Variants in CNTN5 observed in about 807,000 individuals in gnomAD.
The protein encoded by CNTN5 is contactin-5.
Under a neutral mutation model 129.1 loss-of-function variants are expected in CNTN5, and 77 were observed. The ratio of observed to expected loss-of-function variants is 0.60; its 90% CI spans 0.50 to 0.72. CNTN5 has a LOEUF of 0.72. Among genes scored for constraint, CNTN5 ranks in the 30% least tolerant of loss-of-function variants. The pLI is 0.00. For synonymous variants in CNTN5, 509 were observed against 465.6 expected (o/e 1.09, Z -1.20); for missense variants, 1,478 against 1,328.8 (o/e 1.11, Z -1.75).
At chr11:99,591,869 T>A (rs1366542378) in intron 3 of CNTN5, among the ~76,000 whole-genome samples, 1 of 152,164 alleles carries the variant, frequency 6.6e-6, no homozygotes, top group African/African-American at 2.4e-5. Flanking sequence ...GAAATACCAG[T>A]ATTTTGACAC....
intron 1 of CNTN5, among the ~76,000 whole-genome samples, chr11:99,319,272 G>A (rs569634143): frequency 2.0e-5 from 3 of 152,230 alleles, no homozygotes; most frequent in South Asian, 2.1e-4. Flanking sequence ...CCTAGAAAAC[G>A]TCCTTAATGT....
Position 100,341,209 on chromosome 11 carries a change from A to G in CNTN5, c.3030+4A>G. ...ATCTGAAGTTGTGGGTTACAAGGTC[A>G]GTATTTCTTCACTCTTTTGCATAGA... On this transcript the variant is annotated splice_donor_region_variant and intron_variant, in intron 23 of 24. Coordinates refer to ENST00000524871, the MANE Select transcript of CNTN5 (RefSeq NM_014361.4). 1 of 1,598,210 alleles carries G rather than the reference A, an allele frequency of 6.3e-7. No homozygotes were observed. Among genetic ancestry groups the G allele is most frequent in the Non-Finnish European group, 8.6e-7 (1 of 1,165,600 alleles).
At chr11:100,154,815 T>A (rs1947183939) in intron 13 of CNTN5, among the ~76,000 whole-genome samples, 1 of 152,232 alleles carries the variant, frequency 6.6e-6, no homozygotes, top group Admixed American at 6.5e-5. Context: ...GCTGCATAAA[T>A]GTCATCTTTT....
At chr11:100,006,118 T>C (rs1940174368) in intron 9 of CNTN5, among the ~76,000 whole-genome samples, 1 of 152,154 alleles carries the variant, frequency 6.6e-6, no homozygotes, top group South Asian at 2.1e-4. Flanking sequence ...GCAGTAGCAT[T>C]TACATGCCTG....
chr11:99,206,986 C>A (rs899326228), intron 1 of CNTN5, among the ~76,000 whole-genome samples: 29 of 152,004 alleles, frequency 1.9e-4, no homozygotes, highest in African/African-American at 6.5e-4. Context: ...AATTGTAATT[C>A]TCCATACCTA....
At chr11:99,472,483 A>G (rs1945213324) in intron 2 of CNTN5, among the ~76,000 whole-genome samples, 1 of 152,114 alleles carries the variant, frequency 6.6e-6, no homozygotes, top group African/African-American at 2.4e-5. Flanking sequence ...GTTTTGCACT[A>G]TGCTTAGTTC....
rs190839257 is a variant in CNTN5, at chr11:99,273,901, T to G, written c.-209-51445T>G. ...ATTGACTACTAAAAAAATACATTGCTTCTTAGGAACTTTTAGGGAAGAAAA... is the reference window on the plus strand; with the variant it reads ...ATTGACTACTAAAAAAATACATTGCGTCTTAGGAACTTTTAGGGAAGAAAA... On this transcript the variant is annotated intron_variant, in intron 1 of 24. Coordinates refer to ENST00000524871, the MANE Select transcript of CNTN5 (RefSeq NM_014361.4). Among the ~76,000 whole-genome samples, 14 of 151,852 alleles carry G rather than the reference T, an allele frequency of 9.2e-5. No individual in the cohort carries two copies. The Admixed American group carries it at 9.2e-4, about 10-fold the overall frequency.
intron 13 of CNTN5, among the ~76,000 whole-genome samples, chr11:100,153,379 T>C (rs1054530159): frequency 1.3e-5 from 2 of 152,126 alleles, no homozygotes. Flanking sequence ...CAGAAGGTTA[T>C]GTGATGTCTC....
At chr11:99,213,515 G>A (rs1459294513) in intron 1 of CNTN5, among the ~76,000 whole-genome samples, 1 of 149,040 alleles carries the variant, frequency 6.7e-6, no homozygotes, top group Non-Finnish European at 1.5e-5. Flanking sequence ...TATATTTCCT[G>A]AGGGTTGGCT....
intron 1 of CNTN5, among the ~76,000 whole-genome samples, chr11:99,242,926 G>A (rs1453497990): frequency 6.6e-6 from 1 of 152,026 alleles, no homozygotes; most frequent in Non-Finnish European, 1.5e-5. Context: ...TCCTATGGTG[G>A]ACAGTGCTGT....
chr11:99,778,338 C>T (rs894693969), intron 3 of CNTN5, among the ~76,000 whole-genome samples: 1 of 151,636 alleles, frequency 6.6e-6, no homozygotes, highest in Non-Finnish European at 1.5e-5. Context: ...AGGTCTATGA[C>T]ATCACCTTAC....
intron 3 of CNTN5, among the ~76,000 whole-genome samples, chr11:99,732,302 G>A (rs1943561656): frequency 6.6e-6 from 1 of 152,112 alleles, no homozygotes; most frequent in Non-Finnish European, 1.5e-5. Context: ...GGTGATGAGA[G>A]GTCAGATTAT....
At chr11:100,019,256 T>A (rs1433491955) in intron 9 of CNTN5, among the ~76,000 whole-genome samples, 1 of 151,922 alleles carries the variant, frequency 6.6e-6, no homozygotes, top group Non-Finnish European at 1.5e-5. Context: ...CATTTTCTCC[T>A]AAAAGTTTTA....
At chr11:99,522,007 A>T (rs2135441240) in intron 2 of CNTN5, among the ~76,000 whole-genome samples, 1 of 152,222 alleles carries the variant, frequency 6.6e-6, no homozygotes, top group East Asian at 1.9e-4. Flanking sequence ...TTGGGTAATA[A>T]AAAAAATGAA....
chr11:99,896,549 A>G (rs968739331), intron 6 of CNTN5, among the ~76,000 whole-genome samples: 17 of 152,006 alleles, frequency 1.1e-4, no homozygotes, highest in South Asian at 2.1e-4. Context: ...CTGACTTCCA[A>G]TCTCCAATGC....
At chr11:99,838,420 A>G (rs1461693907) in intron 4 of CNTN5, among the ~76,000 whole-genome samples, 1 of 152,118 alleles carries the variant, frequency 6.6e-6, no homozygotes, top group Non-Finnish European at 1.5e-5. Flanking sequence ...TTTTAAAATA[A>G]TTTTCTCACA....
intron 21 of CNTN5, 83 bp from the exon 22 acceptor site, chr11:100,340,380 T>C (rs1952131485): frequency 3.0e-6 from 3 of 997,694 alleles, no homozygotes; most frequent in Non-Finnish European, 4.4e-6. Flanking sequence ...TCCAGCAACA[T>C]CCAAAAAAGA....
chr11:99,228,509 G>C (rs1190993795), intron 1 of CNTN5, among the ~76,000 whole-genome samples: 1 of 151,990 alleles, frequency 6.6e-6, no homozygotes, highest in African/African-American at 2.4e-5. Context: ...ATATAGAAAG[G>C]ATAAATACTC....
intron 6 of CNTN5, among the ~76,000 whole-genome samples, chr11:99,869,872 T>G (rs781003722): frequency 1.3e-5 from 2 of 152,166 alleles, no homozygotes; most frequent in African/African-American, 4.8e-5. Flanking sequence ...TATTTTAAAA[T>G]GTCAAAATTA....
Sources: gnomAD v4.1 joint callset for allele counts (sites outside exome capture counted in the v4.1 genomes callset) on GRCh38, gnomAD v4.1.1 for gene constraint, MANE v1.5 for transcripts, NCBI Gene and HGNC (gene_info 2026-07-23, HGNC 2026-07-21) for gene names.